The following UFD1 variants were observed in gnomAD, a reference collection of about 807,000 sequenced individuals.
The protein encoded by UFD1 is ubiquitin recognition factor in ER-associated degradation protein 1.
In UFD1, 13 loss-of-function variants were observed where a neutral mutation model predicts 45.9. The observed-to-expected ratio is 0.28, with a 90% CI of 0.18 to 0.45. The LOEUF (loss-of-function observed/expected upper bound fraction) is 0.45, where lower values mean the gene tolerates loss of function less well. Among genes scored for constraint, UFD1 ranks in the 20% least tolerant of loss-of-function variants. The probability of loss-of-function intolerance (pLI) is 1.00; values close to 1 mark genes in which losing one functional copy is unlikely to be tolerated. For synonymous variants in UFD1, 128 were observed against 139.2 expected (o/e 0.92, Z 0.56); for missense variants, 218 against 389.2 (o/e 0.56, Z 3.70).
chr22:19,475,922 T>C (rs145266563), intron 1 of UFD1, among the ~76,000 whole-genome samples: 173 of 152,336 alleles, frequency 1.1e-3, no homozygotes, highest in African/African-American at 3.7e-3. Context: ...ATCATTAATC[T>C]AAACAATATT....
Position 19,454,081 on chromosome 22 carries a change from A to G in UFD1, c.849+668T>C. 4.1e-6 allele frequency: 4 copies of G among 985,694 alleles called. No individual in the cohort carries two copies. In the South Asian group the frequency reaches 1.4e-4, roughly 35 times the overall value. 61.1% of individuals were successfully genotyped at this position (985,694 alleles called of 1,614,324 possible). On this transcript the variant is annotated intron_variant, in intron 11 of 11. Coordinates refer to ENST00000263202, the MANE Select transcript of UFD1 (RefSeq NM_005659.7). ...TGCTCAGCTAGAAGGTGCTGCCTAT[A>G]TTTGAAGTTCAAGGTCTCTGTTGGA...
At position 19,458,096 on chromosome 22, in the gene UFD1, A is replaced by T; in HGVS notation, c.539T>A (p.Val180Glu). ...RVMETKPDKA[V>E]SIIECDMNVD... Reference sequence around the variant, plus strand: ...GTTCATGTCACACTCAATGATGGACACTGCCTTGTCGGGTTTGGTCTCCAT... The same window carrying T: ...GTTCATGTCACACTCAATGATGGACTCTGCCTTGTCGGGTTTGGTCTCCAT... Residue 180 changes from valine (V) to glutamate (E), a missense_variant, in exon 7 of 12, where the codon GTG (valine) becomes GAG (glutamate). By Grantham distance (121) the Val-to-Glu change is moderately radical (BLOSUM62 -2). Around this residue, in one of 2 missense-constraint regions of UFD1, gnomAD observed 149 missense variants for 307.5 expected, o/e 0.48. Coordinates refer to ENST00000263202, the MANE Select transcript of UFD1 (RefSeq NM_005659.7). 6.2e-7 allele frequency: 1 copy of T among 1,614,146 alleles called. No individual in the cohort carries two copies. Among genetic ancestry groups the T allele is most frequent in the Non-Finnish European group, 8.5e-7 (1 of 1,179,996 alleles).
At chr22:19,465,354 G>C in intron 5 of UFD1, 80 bp from the exon 6 acceptor site, 1 of 1,222,164 alleles carries the variant, frequency 8.2e-7, no homozygotes, top group South Asian at 1.2e-5. Context: ...GATGATTACT[G>C]GTAGGTAGAG....
Position 19,471,723 on chromosome 22 carries a change from A to G in UFD1, c.255T>C (p.Phe85=), listed in dbSNP as rs373816240. Residue 85 remains phenylalanine (F), a synonymous_variant, in exon 4 of 12, where the codon TTT becomes TTC. Transcript: ENST00000263202. ...DRMTHCGVLE[F]VADEGICYLP... is the part of the protein sequence containing the mutation. ...GGTAGCAGATGCCCTCATCAGCCAC[A>G]AACTCCAGCACGCCACAATGCGTCA... 3.7e-6 allele frequency: 6 copies of G among 1,613,838 alleles called. No homozygotes were observed. The highest frequency in any genetic ancestry group is 5.1e-6 in the Non-Finnish European group (6 of 1,180,044).
chr22:19,464,572 A>G (rs2089788377), intron 6 of UFD1, among the ~76,000 whole-genome samples: 1 of 152,252 alleles, frequency 6.6e-6, no homozygotes, highest in Non-Finnish European at 1.5e-5. Context: ...AGATCCAGAC[A>G]CCTAAACAGC....
At chr22:19,472,926 C>A (rs1454307265) in intron 3 of UFD1, among the ~76,000 whole-genome samples, 1 of 152,204 alleles carries the variant, frequency 6.6e-6, no homozygotes, top group East Asian at 1.9e-4. Context: ...AAAAATCACA[C>A]TTAGTGTTAG....
At chr22:19,475,871 C>T (rs2089877692) in intron 1 of UFD1, among the ~76,000 whole-genome samples, 1 of 152,218 alleles carries the variant, frequency 6.6e-6, no homozygotes, top group African/African-American at 2.4e-5. Flanking sequence ...CCACAGACTC[C>T]TGCCTGGGCT....
rs1457407749 is a variant in UFD1 at position 19,475,376 on chromosome 22, T to C, written c.136+94A>G. 3.9e-6 allele frequency: 6 copies of C among 1,540,222 alleles called. No individual in the cohort carries two copies. In the East Asian group the frequency reaches 9.0e-5, roughly 23 times the overall value. On this transcript the variant is annotated intron_variant, in intron 2 of 11. Coordinates refer to ENST00000263202, the MANE Select transcript of UFD1 (RefSeq NM_005659.7). ...CCATTTTCACAGTAACACTAGCTTC[T>C]GACTCCCACATGCAAAGTAAGTACT... is the stretch of plus-strand genomic sequence containing the variant.
intron 4 of UFD1, 182 bp downstream of exon 4, chr22:19,471,505 C>A: frequency 1.0e-6 from 1 of 962,580 alleles, no homozygotes; most frequent in Non-Finnish European, 1.6e-6. Context: ...CCAGAGCCCA[C>A]CAGCCCGCAT....
intron 4 of UFD1, among the ~76,000 whole-genome samples, chr22:19,468,793 T>G (rs2089822952): frequency 6.6e-6 from 1 of 152,096 alleles, no homozygotes; most frequent in East Asian, 1.9e-4. Flanking sequence ...CAGCACTACC[T>G]CACACCCAGT....
intron 3 of UFD1, among the ~76,000 whole-genome samples, chr22:19,473,673 T>C (rs537580679): frequency 4.5e-4 from 69 of 152,330 alleles, no homozygotes; most frequent in Admixed American, 5.2e-4. Context: ...GCTCAGGGGC[T>C]ACCTCCACCT....
At chr22:19,451,263 A>G in intron 11 of UFD1, 1 of 985,778 alleles carries the variant, frequency 1.0e-6, no homozygotes, top group Non-Finnish European at 1.2e-6. Flanking sequence ...TATACTCCCA[A>G]GGCTACAGAA....
chr22:19,465,610 G>A (rs1313400458), intron 5 of UFD1: 1 of 295,192 alleles, frequency 3.4e-6, no homozygotes, highest in Non-Finnish European at 6.5e-6. Flanking sequence ...TCTGGGCCAG[G>A]GGATCAGGTG....
At chr22:19,471,162 T>A (rs767599011) in intron 4 of UFD1, 11 of 489,216 alleles carry the variant, frequency 2.2e-5, no homozygotes, top group Admixed American at 1.5e-4. Context: ...ACGCCCTGGA[T>A]ATCCCAGCCC....
chr22:19,468,060 A>T, intron 4 of UFD1, 57 bp from the exon 5 acceptor site: 2 of 1,606,148 alleles, frequency 1.2e-6, no homozygotes, highest in Non-Finnish European at 1.7e-6. Flanking sequence ...CTCCACAACC[A>T]CTGCTCCCTA....
At chr22:19,456,967 T>C in intron 7 of UFD1, 49 bp from the exon 8 acceptor site, 5 of 1,301,618 alleles carry the variant, frequency 3.8e-6, no homozygotes, top group Non-Finnish European at 5.4e-6. Context: ...TGACCACCCT[T>C]GGCTTCCTTT....
intron 3 of UFD1, among the ~76,000 whole-genome samples, chr22:19,472,834 C>T (rs1274779850): frequency 6.6e-6 from 1 of 152,228 alleles, no homozygotes; most frequent in African/African-American, 2.4e-5. Flanking sequence ...TGCCAGGATT[C>T]AAACCAAGGC....
At chr22:19,474,822 C>T (rs1275807700) in intron 3 of UFD1, among the ~76,000 whole-genome samples, 3 of 152,084 alleles carry the variant, frequency 2.0e-5, no homozygotes, top group Non-Finnish European at 4.4e-5. Flanking sequence ...GAAAGGGAAC[C>T]CCCTTCACAG....
At position 19,449,919 on chromosome 22, in the gene UFD1, G is replaced by A. The variant is rs2089667231; in HGVS notation, c.*751C>T. 6.6e-6 allele frequency: 1 copy of A among 152,184 alleles called. No individual in the cohort carries two copies. Among genetic ancestry groups the A allele is most frequent in the South Asian group, 2.1e-4 (1 of 4,824 alleles). 9.4% of individuals were successfully genotyped at this position (152,184 alleles called of 1,614,324 possible). A position where few individuals can be genotyped will look rare whatever the true frequency, so the allele number is the denominator to read the frequency against. On this transcript the variant is annotated 3_prime_UTR_variant, in exon 12 of 12. Coordinates refer to ENST00000263202, the MANE Select transcript of UFD1 (RefSeq NM_005659.7). ...AAAAATACAGGCCAGCAGAAGCTTGGATGATTTAATAAATTAAAATTGGGA... is the reference window on the plus strand; with the variant it reads ...AAAAATACAGGCCAGCAGAAGCTTGAATGATTTAATAAATTAAAATTGGGA...
Sources: gnomAD v4.1 joint callset for allele counts (sites outside exome capture counted in the v4.1 genomes callset) on GRCh38, gnomAD v4.1.1 for gene constraint, gnomAD v4.1.1 regional missense constraint, MANE v1.5 for transcripts, NCBI Gene and HGNC (gene_info 2026-07-23, HGNC 2026-07-21) for gene names.